The following RBFOX3 variants were observed in gnomAD, a reference collection of about 807,000 sequenced individuals.
RBFOX3 encodes the protein RNA binding protein fox-1 homolog 3.
RBFOX3 carries 17 observed loss-of-function variants against 48.7 expected under a neutral mutation model. The ratio of observed to expected loss-of-function variants is 0.35; its 90% confidence interval spans 0.24 to 0.52. The LOEUF (loss-of-function observed/expected upper bound fraction) is 0.52. Ranked by LOEUF, RBFOX3 falls within the 20% of genes least tolerant of loss-of-function variation. The probability of loss-of-function intolerance (pLI) is 0.94; values close to 1 mark genes in which losing one functional copy is unlikely to be tolerated. For missense variants in RBFOX3, 382 were observed against 497.5 expected (o/e 0.77, Z 2.21); for synonymous variants, 212 against 209.5 (o/e 1.01, Z -0.10).
chr17:79,462,513 C>T (rs1177733650), intron 2 of RBFOX3, among the ~76,000 whole-genome samples: 2 of 152,238 alleles, frequency 1.3e-5, no homozygotes, highest in African/African-American at 2.4e-5. Flanking sequence ...TGGCTCTCAA[C>T]TGGGGGCAAG....
At chr17:79,596,334 G>A (rs1230076898) in intron 1 of RBFOX3, among the ~76,000 whole-genome samples, 1 of 152,234 alleles carries the variant, frequency 6.6e-6, no homozygotes, top group African/African-American at 2.4e-5. Context: ...CTTTCCTGCA[G>A]ATCAGCGGGG....
At chr17:79,576,379 TGATGGAGAA>T (rs1335379608) in intron 1 of RBFOX3, among the ~76,000 whole-genome samples, 2 of 147,966 alleles carry the variant, frequency 1.4e-5, no homozygotes, top group East Asian at 4.1e-4. Context: ...ATCATGGAGA[TGATGGAGAA>T]GATGGAGATC....
rs1291179634 is a variant in RBFOX3, at chr17:79,390,859, A to AC, written c.-174-83036dup. Among the ~76,000 whole-genome samples, 7 of 152,130 alleles carry AC rather than the reference A, an allele frequency of 4.6e-5. No homozygotes were observed. The highest frequency in any genetic ancestry group is 7.4e-5 in the Non-Finnish European group (5 of 68,024). On this transcript the variant is annotated intron_variant, in intron 2 of 14. Coordinates refer to ENST00000693108, the MANE Select transcript of RBFOX3 (RefSeq NM_001350451.2). This position sits in a 1 kb window ranked among gnomAD's most constrained non-coding sequence, Gnocchi z 4.2. ...GCAGCGGAACCCCTCACCAGGAGGC[A>AC]CCTTCCTGCCCAGACACCTCGGGAT...
chr17:79,191,638 C>T (rs74001656), intron 4 of RBFOX3, among the ~76,000 whole-genome samples: 11,882 of 152,282 alleles, frequency 0.078, 714 homozygotes, highest in African/African-American at 0.17. Context: ...ACGAGGCGGC[C>T]GGCGGCGGGA....
Position 79,195,146 on chromosome 17 carries a change from G to A in RBFOX3, c.-34+40620C>T, listed in dbSNP as rs1167479136. ...TGCCGTGGCTGATGCCTGTAATCCCGGCACTTTGGGAGGCTGAGGCAGGTG... is the reference window on the plus strand; with the variant it reads ...TGCCGTGGCTGATGCCTGTAATCCCAGCACTTTGGGAGGCTGAGGCAGGTG... On this transcript the variant is annotated intron_variant, in intron 4 of 14. Transcript: ENST00000693108. The surrounding 1 kb of genome is among the most constrained non-coding windows in gnomAD (Gnocchi z 5.3). 1.3e-5 allele frequency among the ~76,000 whole-genome samples: 2 copies of A among 151,994 alleles called. No individual in the cohort carries two copies. Among genetic ancestry groups the A allele is most frequent in the Admixed American group, 6.6e-5 (1 of 15,266 alleles).
intron 2 of RBFOX3, among the ~76,000 whole-genome samples, chr17:79,320,241 C>G (rs1001006044): frequency 4.6e-5 from 7 of 152,154 alleles, no homozygotes; most frequent in Admixed American, 4.6e-4. Context: ...GAATTCACTC[C>G]TGCATGGAGC....
chr17:79,313,846 A>G (rs2077179125), intron 2 of RBFOX3, among the ~76,000 whole-genome samples: 2 of 152,178 alleles, frequency 1.3e-5, no homozygotes. Context: ...CCCACAAGAC[A>G]AGAGGCTCCC....
intron 2 of RBFOX3, among the ~76,000 whole-genome samples, chr17:79,435,140 C>A (rs191228178): frequency 6.6e-6 from 1 of 152,238 alleles, no homozygotes; most frequent in African/African-American, 2.4e-5. Flanking sequence ...CTGGTGCCAG[C>A]GTGTCTGCCC....
intron 3 of RBFOX3, among the ~76,000 whole-genome samples, chr17:79,277,013 G>A (rs749274896): frequency 3.3e-5 from 5 of 152,202 alleles, no homozygotes; most frequent in Admixed American, 1.3e-4. Context: ...ACATGATGAC[G>A]TCAGCCTCGG....
chr17:79,217,980 C>T (rs1043414009), intron 4 of RBFOX3, among the ~76,000 whole-genome samples: 7 of 151,358 alleles, frequency 4.6e-5, no homozygotes, highest in Non-Finnish European at 7.4e-5. Flanking sequence ...TCGGGGCAGG[C>T]GGGGCTGGGG....
At chr17:79,278,359 C>T (rs970923773) in intron 3 of RBFOX3, among the ~76,000 whole-genome samples, 1 of 152,228 alleles carries the variant, frequency 6.6e-6, no homozygotes, top group Non-Finnish European at 1.5e-5. Flanking sequence ...AGAGGGACCC[C>T]GATGCCAAGC....
intron 1 of RBFOX3, among the ~76,000 whole-genome samples, chr17:79,493,516 C>T (rs1294877300): frequency 6.6e-6 from 1 of 152,162 alleles, no homozygotes; most frequent in African/African-American, 2.4e-5. Context: ...CCCATCACAT[C>T]TCTCAGATCC....
At chr17:79,515,649 A>T (rs989881568) in intron 1 of RBFOX3, among the ~76,000 whole-genome samples, 38 of 152,082 alleles carry the variant, frequency 2.5e-4, no homozygotes, top group African/African-American at 8.9e-4. Flanking sequence ...TTTCAACCCA[A>T]TGCCACCTCC....
chr17:79,475,823 TG>T (rs1358401512), intron 2 of RBFOX3, among the ~76,000 whole-genome samples: 1 of 152,186 alleles, frequency 6.6e-6, no homozygotes, highest in Non-Finnish European at 1.5e-5. Context: ...GGATGGCCAG[TG>T]GCCCCCAGAG....
chr17:79,633,733 A>G, the RBFOX3 span, among the ~76,000 whole-genome samples: 3 of 152,164 alleles, frequency 2.0e-5, no homozygotes, highest in Non-Finnish European at 2.9e-5. Flanking sequence ...ATCGTGAGGC[A>G]TCGGAGGCTG....
intron 4 of RBFOX3, among the ~76,000 whole-genome samples, chr17:79,142,335 AG>A (rs531885847): frequency 7.0e-4 from 106 of 152,282 alleles, no homozygotes; most frequent in Non-Finnish European, 1.2e-3. Flanking sequence ...GAGAGGCAGG[AG>A]GGGTCTGAAC....
chr17:79,202,274 A>G (rs1182946048), intron 4 of RBFOX3, among the ~76,000 whole-genome samples: 1 of 152,134 alleles, frequency 6.6e-6, no homozygotes. Flanking sequence ...AGGAGCCTGG[A>G]AACAGAGTGG....
intron 4 of RBFOX3, among the ~76,000 whole-genome samples, chr17:79,162,443 G>A (rs1210798772): frequency 6.6e-6 from 1 of 152,222 alleles, no homozygotes; most frequent in Non-Finnish European, 1.5e-5. Flanking sequence ...ACCACACAGA[G>A]GACGTCAGTG....
chr17:79,216,401 A>G (rs1332503495), intron 4 of RBFOX3, among the ~76,000 whole-genome samples: 1 of 152,002 alleles, frequency 6.6e-6, no homozygotes, highest in African/African-American at 2.4e-5. Context: ...CCTGGCTGGG[A>G]CCACCTGGAG....
Sources: allele counts gnomAD v4.1 joint callset (sites outside exome capture counted in the v4.1 genomes callset), GRCh38; gene constraint gnomAD v4.1.1; non-coding constraint Gnocchi (gnomAD v3.1); transcripts MANE v1.5; gene names NCBI Gene and HGNC (gene_info 2026-07-23, HGNC 2026-07-21).